Variants in ACTN1 observed in about 807,000 individuals in gnomAD.
The protein encoded by ACTN1 is actinin alpha 1, also known as alpha-actinin-1.
Under a neutral mutation model 119.6 loss-of-function variants are expected in ACTN1, and 30 were observed. That is an observed-to-expected ratio of 0.25 (90% CI 0.19 to 0.34). ACTN1 has a LOEUF of 0.34. Among genes scored for constraint, ACTN1 ranks in the 10% least tolerant of loss-of-function variants. The pLI is 1.00. For synonymous variants in ACTN1, 429 were observed against 472.6 expected, an observed-to-expected ratio of 0.91 and a Z score of 1.20; for missense variants, 764 against 1,223.4, an observed-to-expected ratio of 0.62 and a Z score of 5.60.
chr14:68,884,834 T>C lies in ACTN1; in HGVS notation c.1435A>G (p.Ile479Val). The C allele has an allele frequency of 6.2e-7, 1 of 1,614,158 alleles. No homozygotes were observed. Among genetic ancestry groups the C allele is most frequent in the Non-Finnish European group, 8.5e-7 (1 of 1,180,010 alleles). ...SPSVNARCQK[I>V]CDQWDNLGAL... ...CCCAGATTGTCCCACTGGTCACAGATCTTTTGGCAACGGGCGTTGACACTG... is the reference window on the plus strand; with the variant it reads ...CCCAGATTGTCCCACTGGTCACAGACCTTTTGGCAACGGGCGTTGACACTG... Residue 479 changes from isoleucine (I) to valine (V), a missense_variant, in exon 13 of 22, where the codon ATC (isoleucine) becomes GTC (valine). Physicochemically the swap from Ile to Val is conservative, Grantham distance 29 (BLOSUM62 3). Coordinates refer to ENST00000394419, the MANE Select transcript of ACTN1 (RefSeq NM_001130004.2).
intron 10 of ACTN1, among the ~76,000 whole-genome samples, chr14:68,891,547 T>C (rs1219070214): frequency 6.6e-6 from 1 of 152,238 alleles, no homozygotes; most frequent in African/African-American, 2.4e-5. Flanking sequence ...AATCATTTTT[T>C]TTAAAGTTGA....
chr14:68,901,554 G>A (rs1012424769), intron 8 of ACTN1, among the ~76,000 whole-genome samples: 17 of 152,148 alleles, frequency 1.1e-4, no homozygotes, highest in African/African-American at 3.4e-4. Flanking sequence ...GCCTCATCAT[G>A]CATTTTAAAA....
At chr14:68,951,158 C>T (rs895848618) in intron 1 of ACTN1, among the ~76,000 whole-genome samples, 14 of 152,146 alleles carry the variant, frequency 9.2e-5, no homozygotes, top group African/African-American at 2.7e-4. Flanking sequence ...CCAGAGGCAA[C>T]GGGGTGACGG....
chr14:68,880,642 C>T lies in ACTN1; in HGVS notation c.2133+168G>A, dbSNP rs1319437725. On this transcript the variant is annotated intron_variant, in intron 17 of 21. Coordinates refer to ENST00000394419, the MANE Select transcript of ACTN1 (RefSeq NM_001130004.2). The surrounding 1 kb of genome is among the most constrained non-coding windows in gnomAD (Gnocchi z 4.6). The stretch of plus-strand genomic sequence containing the variant: ...GGCCTAGAAATGTGCATTCTCAACA[C>T]ATTCCTTGGGAAAGCAGAAGGTACT... Among the ~76,000 whole-genome samples, 2 of 152,208 alleles carry T rather than the reference C, an allele frequency of 1.3e-5. No individual in the cohort carries two copies. The highest frequency in any genetic ancestry group is 1.3e-4 in the Admixed American group (2 of 15,286).
rs58500225 is a variant in ACTN1 at position 68,881,955 on chromosome 14, T to TTTGA, written c.1953+502_1953+503insTCAA. On this transcript the variant is annotated intron_variant, in intron 16 of 21. Coordinates refer to ENST00000394419, the MANE Select transcript of ACTN1 (RefSeq NM_001130004.2). ...CAGCTTCTTTTTTTTTTTTTTTTTT[T>TTTGA]GACAGAGTCTTGCTCTGTTGCCCAA... Among the ~76,000 whole-genome samples, 145 of 102,978 alleles carry TTTGA rather than the reference T, an allele frequency of 1.4e-3. 17 individuals are homozygous for TTTGA. The highest frequency in any genetic ancestry group is 4.9e-3 in the African/African-American group (113 of 22,902). 67.6% of individuals were successfully genotyped at this position (102,978 alleles called of 152,430 possible).
rs1431961511 is a variant in ACTN1, at chr14:68,879,689, A to G, written c.2280+273T>C. ...AAGCCTTCACTGAGGGTGACTCCTCATGGTAGGAGAGCAAGGATCAGGGGT... is the reference window on the plus strand; with the variant it reads ...AAGCCTTCACTGAGGGTGACTCCTCGTGGTAGGAGAGCAAGGATCAGGGGT... On this transcript the variant is annotated intron_variant, in intron 18 of 21. Transcript: ENST00000394419. The surrounding 1 kb of genome is among the most constrained non-coding windows in gnomAD (Gnocchi z 4.9). Among the ~76,000 whole-genome samples, 1 of 151,686 alleles carries G rather than the reference A, an allele frequency of 6.6e-6. No homozygotes were observed. The highest frequency in any genetic ancestry group is 2.4e-5 in the African/African-American group (1 of 41,148).
chr14:68,974,499 C>T (rs1470916814), intron 1 of ACTN1, among the ~76,000 whole-genome samples: 1 of 152,194 alleles, frequency 6.6e-6, no homozygotes, highest in Non-Finnish European at 1.5e-5. Context: ...GTCACTGTTG[C>T]TCTGCTCTGC....
intron 2 of ACTN1, among the ~76,000 whole-genome samples, chr14:68,923,151 G>A (rs2034739980): frequency 6.6e-6 from 1 of 152,204 alleles, no homozygotes; most frequent in Non-Finnish European, 1.5e-5. Context: ...TCATTCTAAT[G>A]TTCCCGGAGC....
At chr14:68,916,191 C>T (rs2140323462) in intron 3 of ACTN1, among the ~76,000 whole-genome samples, 1 of 152,234 alleles carries the variant, frequency 6.6e-6, no homozygotes, top group South Asian at 2.1e-4. Context: ...GTGGTAATCC[C>T]ATGGTTTGGC....
rs1268610007 is a variant in ACTN1, at chr14:68,878,721, A to G, written c.2362-198T>C. The G allele has an allele frequency of 6.5e-7, 1 of 1,536,888 alleles. No homozygotes were observed. Among genetic ancestry groups the G allele is most frequent in the Non-Finnish European group, 8.7e-7 (1 of 1,147,234 alleles). On this transcript the variant is annotated intron_variant, in intron 19 of 21. Transcript: ENST00000394419. The surrounding 1 kb of genome is among the most constrained non-coding windows in gnomAD (Gnocchi z 4.4). ...GGAAATGTCCAAAGACAGGAGGAAG[A>G]CAGAGCAGGGAGATGCAAAAATCCA...
rs923276007 is a variant in ACTN1 at position 68,909,447 on chromosome 14, A to G, written c.516-51T>C. 1 of 1,589,002 alleles carries G rather than the reference A, an allele frequency of 6.3e-7. No individual in the cohort carries two copies. The highest frequency in any genetic ancestry group is 8.6e-7 in the Non-Finnish European group (1 of 1,159,400). On this transcript the variant is annotated intron_variant, in intron 5 of 21. Coordinates refer to ENST00000394419, the MANE Select transcript of ACTN1 (RefSeq NM_001130004.2). This position sits in a 1 kb window ranked among gnomAD's most constrained non-coding sequence, Gnocchi z 4.1. ...CAGGCTGGTAAATGAGGCTGAACAA[A>G]CGGGCAACCAGGGCAAAGCAGGGGC...
chr14:68,944,027 A>AGTGGACTG (rs1444320394), intron 1 of ACTN1, among the ~76,000 whole-genome samples: 1 of 152,186 alleles, frequency 6.6e-6, no homozygotes, highest in African/African-American at 2.4e-5. Flanking sequence ...AGCTGTGCCC[A>AGTGGACTG]GGCAGTCCCT....
intron 14 of ACTN1, 90 bp downstream of exon 14, chr14:68,884,078 C>A (rs2031794843): frequency 7.4e-7 from 1 of 1,353,424 alleles, no homozygotes; most frequent in Non-Finnish European, 9.9e-7. Context: ...GATGCTCTTC[C>A]TCAGGGGGCA....
chr14:68,960,766 T>A (rs983937492), intron 1 of ACTN1, among the ~76,000 whole-genome samples: 3 of 147,994 alleles, frequency 2.0e-5, no homozygotes, highest in African/African-American at 7.5e-5. Flanking sequence ...AAAAAAAAAA[T>A]TAAACAACAA....
At position 68,909,900 on chromosome 14, in the gene ACTN1, G is replaced by C; in HGVS notation, c.515+55C>G. ...CTGACCCAGCCAAGGGGGTCTGGGA[G>C]CTCCCGGGGGAGGCAGCCTGGTTCT... On this transcript the variant is annotated intron_variant, in intron 5 of 21. Transcript: ENST00000394419. The surrounding 1 kb of genome is among the most constrained non-coding windows in gnomAD (Gnocchi z 4.1). The C allele has an allele frequency of 2.0e-6, 3 of 1,511,756 alleles. No homozygotes were observed. Among genetic ancestry groups the C allele is most frequent in the Non-Finnish European group, 2.8e-6 (3 of 1,090,656 alleles). The allele number at this position is 1,511,756 out of a possible 1,614,324, so 93.6% of individuals were successfully genotyped here.
chr14:68,875,067 G>A (rs955053748), intron 21 of ACTN1, 50 bp from the exon 22 acceptor site: 1 of 1,604,160 alleles, frequency 6.2e-7, no homozygotes, highest in African/African-American at 1.3e-5. Context: ...CAGCCGTAAA[G>A]CGGCGCGGCC....
chr14:68,948,868 G>A (rs28573071), intron 1 of ACTN1, among the ~76,000 whole-genome samples: 4,711 of 152,250 alleles, frequency 0.031, 222 homozygotes, highest in African/African-American at 0.11. Context: ...CTCCTGAGGC[G>A]CACGGGGCAC....
rs36108835 is a variant in ACTN1, at chr14:68,925,318, CTTTTTTTT to C, written c.220+232_220+239del. On this transcript the variant is annotated intron_variant, in intron 2 of 21. Transcript: ENST00000394419. The surrounding 1 kb of genome is among the most constrained non-coding windows in gnomAD (Gnocchi z 4.3). ...GAAGGAACCTCAGTTCCTTCAAACC[CTTTTTTTT>C]TTTTTTTTTTTTTTTAAAACAAACA... is the stretch of plus-strand genomic sequence containing the variant. 8.2e-6 allele frequency among the ~76,000 whole-genome samples: 1 copy of C among 121,260 alleles called. No individual in the cohort carries two copies. Among genetic ancestry groups the C allele is most frequent in the Non-Finnish European group, 1.7e-5 (1 of 60,082 alleles). 79.6% of individuals were successfully genotyped at this position (121,260 alleles called of 152,430 possible). A position where few individuals can be genotyped will look rare whatever the true frequency, so the allele number is the denominator to read the frequency against.
At chr14:68,916,932 C>T (rs1166218870) in intron 3 of ACTN1, among the ~76,000 whole-genome samples, 1 of 152,078 alleles carries the variant, frequency 6.6e-6, no homozygotes, top group African/African-American at 2.4e-5. Flanking sequence ...AAACTAGAAC[C>T]CCAGGGGCCA....
Sources: allele counts gnomAD v4.1 joint callset (sites outside exome capture counted in the v4.1 genomes callset), GRCh38; gene constraint gnomAD v4.1.1; non-coding constraint Gnocchi (gnomAD v3.1); transcripts MANE v1.5; gene names NCBI Gene and HGNC (gene_info 2026-07-23, HGNC 2026-07-21).